DOCK1: variants seen among roughly 807,000 people sequenced by gnomAD.
The protein encoded by DOCK1 is dedicator of cytokinesis 1.
DOCK1 carries 138 observed loss-of-function variants against 262.7 expected under a neutral mutation model. The ratio of observed to expected loss-of-function variants is 0.53; its 90% CI spans 0.46 to 0.61. The LOEUF is 0.61. Ranked by LOEUF, DOCK1 falls within the 20% of genes least tolerant of loss-of-function variation. The probability of loss-of-function intolerance (pLI) is 0.00; values close to 1 mark genes in which losing one functional copy is unlikely to be tolerated. For synonymous variants in DOCK1, 866 were observed against 867.4 expected (o/e 1.00, Z 0.03); for missense variants, 1,908 against 2,370.7 (o/e 0.80, Z 4.05).
At chr10:127,243,695 C>G (rs1321835896) in intron 27 of DOCK1, among the ~76,000 whole-genome samples, 6 of 152,136 alleles carry the variant, frequency 3.9e-5, no homozygotes, top group African/African-American at 1.4e-4. Flanking sequence ...CAGTGCCAGG[C>G]AGTAGCCAAG....
chr10:127,211,924 G>GTTC (rs2057997253), intron 27 of DOCK1, among the ~76,000 whole-genome samples: 1 of 152,196 alleles, frequency 6.6e-6, no homozygotes, highest in Non-Finnish European at 1.5e-5. Context: ...TCTGCAGAGT[G>GTTC]CGCCAATATT....
chr10:127,305,296 G>A (rs563769120), intron 29 of DOCK1, among the ~76,000 whole-genome samples: 4 of 152,216 alleles, frequency 2.6e-5, no homozygotes, highest in African/African-American at 9.6e-5. Context: ...GAAACCCATC[G>A]ACTTTGGGAT....
intron 22 of DOCK1, among the ~76,000 whole-genome samples, chr10:127,054,928 T>C (rs1340535131): frequency 6.6e-6 from 1 of 152,212 alleles, no homozygotes; most frequent in Non-Finnish European, 1.5e-5. Flanking sequence ...CTATAGTCTT[T>C]TATACAATAA....
chr10:127,416,587 T>C (rs894444012), intron 44 of DOCK1, among the ~76,000 whole-genome samples: 1 of 152,188 alleles, frequency 6.6e-6, no homozygotes, highest in Non-Finnish European at 1.5e-5. Context: ...AATCCCAGAA[T>C]GGCAGGACTC....
At position 126,905,429 on chromosome 10, in the gene DOCK1, TC is replaced by T; in HGVS notation, c.-85del. ...GCCGCCTCCGCCGCAAACTTTTTCC[TC>T]CCCATCCTGTCGCGGCTCGAAAGGA... On this transcript the variant is annotated 5_prime_UTR_variant, in exon 1 of 52. Transcript: ENST00000623213. 4.8e-6 allele frequency: 2 copies of T among 416,850 alleles called. No homozygotes were observed. The highest frequency in any genetic ancestry group is 3.4e-5 in the South Asian group (1 of 29,376). 25.8% of individuals were successfully genotyped at this position (416,850 alleles called of 1,614,324 possible).
At chr10:127,376,173 C>G (rs1251622953) in intron 35 of DOCK1, among the ~76,000 whole-genome samples, 1 of 152,148 alleles carries the variant, frequency 6.6e-6, no homozygotes, top group South Asian at 2.1e-4. Context: ...CCTAAGGGCT[C>G]TAATGGGAAA....
chr10:127,128,575 G>T (rs1476271220), intron 27 of DOCK1, among the ~76,000 whole-genome samples: 1 of 151,926 alleles, frequency 6.6e-6, no homozygotes, highest in Non-Finnish European at 1.5e-5. Context: ...GGTGTGTGTG[G>T]TTCTCCTCCC....
intron 18 of DOCK1, among the ~76,000 whole-genome samples, chr10:127,034,826 C>A (rs538125038): frequency 5.8e-4 from 89 of 152,192 alleles, no homozygotes; most frequent in Admixed American, 5.5e-3. Context: ...GTGATGAGGC[C>A]CATCCACAGA....
chr10:127,362,133 C>T lies in DOCK1; in HGVS notation c.3353C>T (p.Thr1118Met), dbSNP rs371052769. 17 of 1,613,746 alleles carry T rather than the reference C, an allele frequency of 1.1e-5. No individual in the cohort carries two copies. Among genetic ancestry groups the T allele is most frequent in the East Asian group, 4.5e-5 (2 of 44,870 alleles). ...PILEMTLIPE[T>M]ELRKATIPIF... is the part of the protein sequence containing the mutation. ...TTAGAAATGACATTAATTCCCGAGA[C>T]GGAGCTGCGCAAAGCCACCATCCCC... The change falls in exon 33 of 52, where the codon ACG becomes ATG. Residue 1118 changes from threonine to methionine, a missense_variant. This residue lies in a region of DOCK1 where 518 missense variants were observed against 575.1 expected (regional missense o/e 0.90). Transcript: ENST00000623213.
At chr10:127,410,802 C>T (rs760032348) in intron 42 of DOCK1, 38 bp from the exon 43 acceptor site, 15 of 1,596,036 alleles carry the variant, frequency 9.4e-6, no homozygotes, top group Admixed American at 3.5e-5. Context: ...GGCTATTTGC[C>T]GGGTTAAATA....
intron 2 of DOCK1, among the ~76,000 whole-genome samples, chr10:126,971,554 C>T (rs2038111301): frequency 6.6e-6 from 1 of 152,038 alleles, no homozygotes; most frequent in African/African-American, 2.4e-5. Flanking sequence ...GTAGCTGGGA[C>T]TACAGGTGCA....
chr10:126,975,457 C>T (rs546831614), intron 2 of DOCK1, among the ~76,000 whole-genome samples: 72 of 152,194 alleles, frequency 4.7e-4, no homozygotes, highest in Non-Finnish European at 9.7e-4. Flanking sequence ...CTGCCACCCA[C>T]GGTGACCAGG....
intron 10 of DOCK1, 72 bp downstream of exon 10, chr10:127,000,379 A>G: frequency 6.4e-7 from 1 of 1,569,900 alleles, no homozygotes; most frequent in Non-Finnish European, 8.7e-7. Context: ...TCACTGTTGA[A>G]TGTTGATTGG....
At chr10:127,282,575 G>A (rs1269262539) in intron 29 of DOCK1, among the ~76,000 whole-genome samples, 2 of 152,170 alleles carry the variant, frequency 1.3e-5, no homozygotes, top group East Asian at 1.9e-4. Flanking sequence ...TGTTGCAAAG[G>A]TTAATTTTAA....
intron 29 of DOCK1, among the ~76,000 whole-genome samples, chr10:127,269,751 TCCGGGCCC>T (rs1320266042): frequency 6.6e-6 from 1 of 152,184 alleles, no homozygotes; most frequent in Non-Finnish European, 1.5e-5. Flanking sequence ...AATGAGTGGC[TCCGGGCCC>T]CCTGTGTGAG....
intron 48 of DOCK1, among the ~76,000 whole-genome samples, chr10:127,436,579 A>G (rs1201435394): frequency 6.6e-6 from 1 of 152,064 alleles, no homozygotes; most frequent in Non-Finnish European, 1.5e-5. Context: ...TGAGGCCCCC[A>G]TGCCCCATCA....
At chr10:127,156,061 G>A (rs2053014045) in intron 27 of DOCK1, among the ~76,000 whole-genome samples, 2 of 152,168 alleles carry the variant, frequency 1.3e-5, no homozygotes, top group Non-Finnish European at 2.9e-5. Context: ...GATATTTACA[G>A]TTTTCTGAAG....
chr10:127,300,055 T>C (rs2061631016), intron 29 of DOCK1, among the ~76,000 whole-genome samples: 1 of 152,090 alleles, frequency 6.6e-6, no homozygotes, highest in Non-Finnish European at 1.5e-5. Context: ...GATTGGGGAT[T>C]GGAAGCCAAG....
rs538428225 is a variant in DOCK1, at chr10:127,170,786, T to C, written c.2847+43022T>C. 4.5e-4 allele frequency among the ~76,000 whole-genome samples: 68 copies of C among 152,330 alleles called. No homozygotes were observed. The South Asian group carries it at 0.013, about 30-fold the overall frequency. ...TTCAATGACTCCCATTAGTGACTTATTTAGGTAGCCTGTGTGACCCTGAAC... is the reference window on the plus strand; with the variant it reads ...TTCAATGACTCCCATTAGTGACTTACTTAGGTAGCCTGTGTGACCCTGAAC... On this transcript the variant is annotated intron_variant, in intron 27 of 51. Coordinates refer to ENST00000623213, the MANE Select transcript of DOCK1 (RefSeq NM_001290223.2).
Sources: allele counts gnomAD v4.1 joint callset (sites outside exome capture counted in the v4.1 genomes callset), GRCh38; gene constraint gnomAD v4.1.1; regional missense constraint gnomAD v4.1.1; transcripts MANE v1.5; gene names NCBI Gene and HGNC (gene_info 2026-07-23, HGNC 2026-07-21).